PRDX5: variants seen among roughly 807,000 people sequenced by gnomAD.
PRDX5 encodes the protein peroxiredoxin 5.
A neutral mutation model predicts 23.8 loss-of-function variants in PRDX5; 21 were observed. The ratio of observed to expected loss-of-function variants is 0.88; its 90% CI spans 0.63 to 1.27. The LOEUF (loss-of-function observed/expected upper bound fraction) is 1.27. Ranked by LOEUF, PRDX5 falls within the 50% of genes most tolerant of loss-of-function variation. PRDX5 has a pLI of 0.00. For missense variants in PRDX5, 261 were observed against 270.6 expected (o/e 0.96, Z 0.25); for synonymous variants, 111 against 113.3 (o/e 0.98, Z 0.13).
In PRDX5 at chr11:64,318,138, C is replaced by T. The variant is rs1016607893; in HGVS notation, c.-78C>T. 18 of 1,580,240 alleles carry T rather than the reference C, an allele frequency of 1.1e-5. No homozygotes were observed. Among genetic ancestry groups the T allele is most frequent in the African/African-American group, 4.1e-5 (3 of 73,792 alleles). ...AGGCCCGCCTTCCGCAGGGTGTCGC[C>T]GCTGTGCCGCTAGCGGTGCCCCGCC... On this transcript the variant is annotated 5_prime_UTR_variant, in exon 1 of 6. Transcript: ENST00000265462.
At chr11:64,319,253 T>G (rs1371743424) in intron 1 of PRDX5, among the ~76,000 whole-genome samples, 1 of 152,024 alleles carries the variant, frequency 6.6e-6, no homozygotes, top group Non-Finnish European at 1.5e-5. Context: ...CTACACCTCC[T>G]GGGTGTAGGG....
At position 64,318,296 on chromosome 11, in the gene PRDX5, A is replaced by G. The variant is rs563893744; in HGVS notation, c.81A>G (p.Ala27=). The stretch of plus-strand genomic sequence containing the variant: ...GTGGGGCCGGCGGTCAGTCTGCGGC[A>G]GCGGCAGCAAGACGGTACAGTGAAG... ...LVGGAGGQSA[A]AAARRYSEGE... is the part of the protein sequence containing the mutation. The change falls in exon 1 of 6, where the codon GCA becomes GCG. Residue 27 remains alanine, a synonymous_variant. Coordinates refer to ENST00000265462, the MANE Select transcript of PRDX5 (RefSeq NM_012094.5). 4.3e-6 allele frequency: 7 copies of G among 1,612,562 alleles called. 1 individual carries two copies. In the South Asian group the frequency reaches 7.7e-5, roughly 18 times the overall value.
chr11:64,320,284 GAA>G (rs111316782), intron 2 of PRDX5, among the ~76,000 whole-genome samples: 5 of 103,946 alleles, frequency 4.8e-5, no homozygotes, highest in Non-Finnish European at 2.1e-5. Flanking sequence ...GTCTCAAAAT[GAA>G]AAAAAAAAAA....
chr11:64,321,659 A>G lies in PRDX5; in HGVS notation c.613A>G (p.Ser205Gly), dbSNP rs376840909. The G allele has an allele frequency of 3.6e-5, 57 of 1,602,640 alleles. No individual in the cohort carries two copies. The African/African-American group carries it at 7.4e-4, about 21-fold the overall frequency. ...ACCAGATGGCACAGGCCTCACCTGC[A>G]GCCTGGCACCCAATATCATCTCACA... ...VEPDGTGLTC[S>G]LAPNIISQL is the part of the protein sequence containing the mutation. Residue 205 changes from serine to glycine, a missense_variant, in exon 6 of 6, where the codon AGC becomes GGC. Transcript: ENST00000265462.
In PRDX5 at chr11:64,318,313, A is replaced by G. The variant is rs7938623; in HGVS notation, c.98A>G (p.Tyr33Cys). The G allele has an allele frequency of 0.99, 1,596,183 of 1,612,608 alleles. 791,301 individuals are homozygous for G. The highest frequency in any genetic ancestry group is 1 in the East Asian group (44,863 of 44,864). Residue 33 changes from tyrosine (Y) to cysteine (C), a missense_variant, in exon 1 of 6, where the codon TAC becomes TGC. By Grantham distance (194) the Tyr-to-Cys change is radical. Transcript: ENST00000265462. ...TCTGCGGCAGCGGCAGCAAGACGGT[A>G]CAGTGAAGGAGAGTGGGCGTCTGGC... ...GQSAAAAARR[Y>C]SEGEWASGGV...
In PRDX5 at chr11:64,319,774, A is replaced by T. The variant is rs186408789; in HGVS notation, c.212A>T (p.Glu71Val). 152 of 1,614,000 alleles carry T rather than the reference A, an allele frequency of 9.4e-5. 1 individual carries two copies. The East Asian group carries it at 3.1e-3, about 33-fold the overall frequency. ...CCAGCAGTGGAGGTGTTTGAAGGGG[A>T]GCCAGGGAACAAGGTGAACCTGGCA... is the stretch of plus-strand genomic sequence containing the variant. ...AIPAVEVFEG[E>V]PGNKVNLAEL... is the part of the protein sequence containing the mutation. Residue 71 changes from glutamate to valine, a missense_variant, in exon 2 of 6, where the codon GAG (glutamate) becomes GTG (valine). By Grantham distance (121) the Glu-to-Val change is moderately radical. Transcript: ENST00000265462.
intron 1 of PRDX5, 42 bp downstream of exon 1, chr11:64,318,428 C>T (rs1472855868): frequency 3.8e-6 from 6 of 1,565,428 alleles, no homozygotes; most frequent in Non-Finnish European, 5.2e-6. Context: ...CCCACTACCC[C>T]CATGGCAATC....
chr11:64,318,222 C>A lies in PRDX5; in HGVS notation c.7C>A (p.Leu3Ile). The A allele has an allele frequency of 6.2e-7, 1 of 1,611,632 alleles. No homozygotes were observed. Among genetic ancestry groups the A allele is most frequent in the African/African-American group, 1.3e-5 (1 of 74,990 alleles). The change falls in exon 1 of 6, where the codon CTA (leucine) becomes ATA (isoleucine). Residue 3 changes from leucine (L) to isoleucine (I), a missense_variant. Physicochemically the swap from Leu to Ile is conservative, Grantham distance 5. Transcript: ENST00000265462. Reference protein sequence around the residue: MGLAGVCALRRSA... With the variant: MGIAGVCALRRSA... ...AAGTGGCCGTGGGGCGGGTATGGGA[C>A]TAGCTGGCGTGTGCGCCCTGAGACG...
chr11:64,320,344 G>A (rs780962351), intron 2 of PRDX5, among the ~76,000 whole-genome samples: 6 of 151,960 alleles, frequency 3.9e-5, no homozygotes, highest in Non-Finnish European at 8.8e-5. Context: ...CAGGAATGTT[G>A]GAGAAAAACA....
At position 64,321,727 on chromosome 11, in the gene PRDX5, A is replaced by G. The variant is rs565389016; in HGVS notation, c.*36A>G. 7 of 1,539,854 alleles carry G rather than the reference A, an allele frequency of 4.5e-6. No homozygotes were observed. The highest frequency in any genetic ancestry group is 2.7e-5 in the African/African-American group (2 of 72,764). On this transcript the variant is annotated 3_prime_UTR_variant, in exon 6 of 6. Transcript: ENST00000265462. ...CAGATTACTTCCTCCACCCCTCCCTATCTCACCTGCCCAGCCCTGTGCTGG... is the reference window on the plus strand; with the variant it reads ...CAGATTACTTCCTCCACCCCTCCCTGTCTCACCTGCCCAGCCCTGTGCTGG...
In PRDX5 at chr11:64,318,124, C is replaced by A; in HGVS notation, c.-92C>A. The A allele has an allele frequency of 1.3e-6, 2 of 1,549,200 alleles. No individual in the cohort carries two copies. Among genetic ancestry groups the A allele is most frequent in the Non-Finnish European group, 1.7e-6 (2 of 1,152,646 alleles). On this transcript the variant is annotated 5_prime_UTR_variant, in exon 1 of 6. Coordinates refer to ENST00000265462, the MANE Select transcript of PRDX5 (RefSeq NM_012094.5). ...AGTGGAGGCGGCCCAGGCCCGCCTT[C>A]CGCAGGGTGTCGCCGCTGTGCCGCT...
chr11:64,319,754 A>G lies in PRDX5; in HGVS notation c.192A>G (p.Ala64=), dbSNP rs758811657. 1 of 1,613,982 alleles carries G rather than the reference A, an allele frequency of 6.2e-7. No homozygotes were observed. Among genetic ancestry groups the G allele is most frequent in the South Asian group, 1.1e-5 (1 of 91,078 alleles). The change falls in exon 2 of 6, where the codon GCA becomes GCG. Residue 64 remains alanine, a synonymous_variant. Coordinates refer to ENST00000265462, the MANE Select transcript of PRDX5 (RefSeq NM_012094.5). ...APIKVGDAIP[A]VEVFEGEPGN... ...TCTAGGTGGGAGATGCCATCCCAGC[A>G]GTGGAGGTGTTTGAAGGGGAGCCAG...
intron 1 of PRDX5, 31 bp downstream of exon 1, chr11:64,318,417 C>G: frequency 1.3e-6 from 2 of 1,579,520 alleles, no homozygotes; most frequent in Non-Finnish European, 1.7e-6. Context: ...GCCTGACATC[C>G]CCCACTACCC....
At chr11:64,319,153 ACT>A (rs1197521630) in intron 1 of PRDX5, among the ~76,000 whole-genome samples, 3 of 146,066 alleles carry the variant, frequency 2.1e-5, no homozygotes, top group African/African-American at 7.7e-5. Flanking sequence ...CTCACCTCTG[ACT>A]CTCTCTCCCT....
Position 64,318,364 on chromosome 11 carries a change from C to G in PRDX5, c.149C>G (p.Ala50Gly). Residue 50 changes from alanine (A) to glycine (G), a missense_variant, in exon 1 of 6, where the codon GCT (alanine) becomes GGT (glycine). Transcript: ENST00000265462. Reference sequence around the variant, plus strand: ...GGGGTCCGCAGTTTCAGCAGAGCCGCTGCAGCCATGGCCCCAATCAAGGTG... The same window carrying G: ...GGGGTCCGCAGTTTCAGCAGAGCCGGTGCAGCCATGGCCCCAATCAAGGTG... ...SGGVRSFSRA[A>G]AAMAPIKVGD... The G allele has an allele frequency of 6.2e-7, 1 of 1,609,994 alleles. No homozygotes were observed.
intron 1 of PRDX5, 80 bp from the exon 2 acceptor site, chr11:64,319,654 G>T: frequency 6.6e-7 from 1 of 1,508,138 alleles, no homozygotes. Flanking sequence ...AGGCACAGCT[G>T]CCAGGCTCTC....
chr11:64,318,423 T>C (rs1237272662), intron 1 of PRDX5, 37 bp downstream of exon 1: 2 of 1,572,748 alleles, frequency 1.3e-6, no homozygotes, highest in Non-Finnish European at 1.7e-6. Flanking sequence ...CATCCCCCAC[T>C]ACCCCCATGG....
Position 64,320,740 on chromosome 11 carries a change from A to G in PRDX5, c.386A>G (p.Asn129Ser). The change falls in exon 3 of 6, where the codon AAT becomes AGT. Residue 129 changes from asparagine (N) to serine (S), a missense_variant. Physicochemically the swap from Asn to Ser is conservative, Grantham distance 46 (BLOSUM62 1). Transcript: ENST00000265462. ...GVQVVACLSVNDAFVTGEWGR... is the reference protein window; with the variant it reads ...GVQVVACLSVSDAFVTGEWGR... Reference sequence around the variant, plus strand: ...CAGGTGGTGGCCTGTCTGAGTGTTAATGATGCCTTTGTGACTGGCGAGTGG... The same window carrying G: ...CAGGTGGTGGCCTGTCTGAGTGTTAGTGATGCCTTTGTGACTGGCGAGTGG... 1.9e-6 allele frequency: 3 copies of G among 1,614,104 alleles called. No homozygotes were observed. The highest frequency in any genetic ancestry group is 2.5e-6 in the Non-Finnish European group (3 of 1,179,954).
chr11:64,318,837 A>ACCCCCCCCCCCCCCCCCCCC (rs374862180), intron 1 of PRDX5, among the ~76,000 whole-genome samples: 29 of 77,434 alleles, frequency 3.7e-4, no homozygotes, highest in Middle Eastern at 7.8e-3. Context: ...CCTCAGGTGA[A>ACCCCCCCCCCCCCCCCCCCC]CCCCCCCCGC....
Sources: allele counts gnomAD v4.1 joint callset (sites outside exome capture counted in the v4.1 genomes callset), GRCh38; gene constraint gnomAD v4.1.1; transcripts MANE v1.5; gene names NCBI Gene and HGNC (gene_info 2026-07-23, HGNC 2026-07-21).